ANKS1B: variants seen among roughly 807,000 people sequenced by gnomAD.
The protein encoded by ANKS1B is ankyrin repeat and sterile alpha motif domain-containing protein 1B.
In ANKS1B, 36 loss-of-function variants were observed where a neutral mutation model predicts 148.3. That is an observed-to-expected ratio of 0.24 (90% confidence interval 0.19 to 0.32). ANKS1B has a LOEUF of 0.32. Ranked by LOEUF, ANKS1B falls within the 10% of genes least tolerant of loss-of-function variation. The probability of loss-of-function intolerance (pLI) is 1.00; values close to 1 mark genes in which losing one functional copy is unlikely to be tolerated. For synonymous variants in ANKS1B, 542 were observed against 560.8 expected, an observed-to-expected ratio of 0.97 and a Z score of 0.47; for missense variants, 1,157 against 1,542.6, an observed-to-expected ratio of 0.75 and a Z score of 4.19.
chr12:99,769,191 C>A (rs1161979212), intron 8 of ANKS1B, among the ~76,000 whole-genome samples: 1 of 152,066 alleles, frequency 6.6e-6, no homozygotes, highest in Non-Finnish European at 1.5e-5. Flanking sequence ...TTCAAGACCT[C>A]AGTTCTGACT....
chr12:99,815,128 T>G (rs2068934812), intron 2 of ANKS1B, among the ~76,000 whole-genome samples: 1 of 151,804 alleles, frequency 6.6e-6, no homozygotes, highest in Non-Finnish European at 1.5e-5. Flanking sequence ...GATGGGATCA[T>G]CAATTCTATT....
At chr12:98,772,419 C>G (rs563189966) in intron 25 of ANKS1B, among the ~76,000 whole-genome samples, 3 of 152,106 alleles carry the variant, frequency 2.0e-5, no homozygotes, top group African/African-American at 7.2e-5. Flanking sequence ...CTAATAAAGA[C>G]GTACCCAAGA....
intron 16 of ANKS1B, among the ~76,000 whole-genome samples, chr12:99,067,927 G>C (rs1194999650): frequency 6.6e-6 from 1 of 151,750 alleles, no homozygotes; most frequent in Non-Finnish European, 1.5e-5. Context: ...TGTCAGTCTA[G>C]AATTTCTAAT....
intron 1 of ANKS1B, among the ~76,000 whole-genome samples, chr12:99,826,123 G>A: frequency 6.6e-6 from 1 of 152,144 alleles, no homozygotes; most frequent in East Asian, 1.9e-4. Flanking sequence ...TGCTTTATCT[G>A]ATGGTCATAG....
rs1044168811 is a variant in ANKS1B, at chr12:99,984,876, G to A, written c.-639C>T. Among the ~76,000 whole-genome samples, 1 of 147,916 alleles carries A rather than the reference G, an allele frequency of 6.8e-6. No homozygotes were observed. Among genetic ancestry groups the A allele is most frequent in the Non-Finnish European group, 1.5e-5 (1 of 66,518 alleles). On this transcript the variant is annotated 5_prime_UTR_variant, in exon 1 of 27. Coordinates refer to ENST00000683438, the MANE Select transcript of ANKS1B (RefSeq NM_001352186.2). ...GCGGCGGCGGCGAGGCCTGGCGCGC[G>A]GGGGGCGTGTGCGCGCGGGCAGGTG...
chr12:99,506,446 A>AT lies in ANKS1B; in HGVS notation c.1273-1806dup, dbSNP rs2096712846. 1.3e-5 allele frequency among the ~76,000 whole-genome samples: 2 copies of AT among 152,016 alleles called. 1 individual carries two copies. Among genetic ancestry groups the AT allele is most frequent in the South Asian group, 4.1e-4 (2 of 4,830 alleles). ...GAAAGCAGGAAATTGGGAGTAATTT[A>AT]TTTTTAACAACAAAGGGTGACAAAG... On this transcript the variant is annotated intron_variant, in intron 9 of 26. Coordinates refer to ENST00000683438, the MANE Select transcript of ANKS1B (RefSeq NM_001352186.2).
chr12:99,479,895 T>C (rs1437530665), intron 10 of ANKS1B, among the ~76,000 whole-genome samples: 1 of 151,932 alleles, frequency 6.6e-6, no homozygotes, highest in Non-Finnish European at 1.5e-5. Flanking sequence ...TTTTAAATGT[T>C]CTCACTACAA....
At chr12:99,106,554 G>C (rs150246206) in intron 15 of ANKS1B, among the ~76,000 whole-genome samples, 158 of 152,326 alleles carry the variant, frequency 1.0e-3, no homozygotes, top group Middle Eastern at 0.01. Context: ...TTTTAAAGTT[G>C]TCGGTTTCTA....
At chr12:99,678,812 T>C (rs899548410) in intron 8 of ANKS1B, among the ~76,000 whole-genome samples, 1 of 152,136 alleles carries the variant, frequency 6.6e-6, no homozygotes, top group Non-Finnish European at 1.5e-5. Flanking sequence ...TGAATGCCCA[T>C]TAATATGAAC....
At chr12:99,387,514 G>T (rs2093913590) in intron 12 of ANKS1B, among the ~76,000 whole-genome samples, 2 of 152,100 alleles carry the variant, frequency 1.3e-5, no homozygotes, top group Admixed American at 1.3e-4. Context: ...TACTCGGGAG[G>T]CTGAGGCAGG....
In ANKS1B at chr12:99,287,090, T is replaced by C. The variant is rs144808356; in HGVS notation, c.1757-40226A>G. Reference sequence around the variant, plus strand: ...GCCAGGCAGTGGACACCTCAGGACATTGACAAGACCCAGTGTTATGCTGGC... The same window carrying C: ...GCCAGGCAGTGGACACCTCAGGACACTGACAAGACCCAGTGTTATGCTGGC... On this transcript the variant is annotated intron_variant, in intron 12 of 26. Coordinates refer to ENST00000683438, the MANE Select transcript of ANKS1B (RefSeq NM_001352186.2). Among the ~76,000 whole-genome samples the C allele has an allele frequency of 2.2e-3, 332 of 150,176 alleles. 1 individual carries two copies. Among genetic ancestry groups the C allele is most frequent in the African/African-American group, 8.0e-3 (315 of 39,620 alleles).
At chr12:99,267,781 TGGAGGACAGGTA>T (rs1261310783) in intron 12 of ANKS1B, among the ~76,000 whole-genome samples, 1 of 152,136 alleles carries the variant, frequency 6.6e-6, no homozygotes, top group Admixed American at 6.6e-5. Context: ...GATGGAGCCT[TGGAGGACAGGTA>T]GGACTTAGAT....
At chr12:99,724,174 T>C (rs1007828471) in intron 8 of ANKS1B, among the ~76,000 whole-genome samples, 3 of 152,016 alleles carry the variant, frequency 2.0e-5, no homozygotes, top group African/African-American at 4.8e-5. Context: ...TTGACAGAAG[T>C]AGGCTTCAGA....
At chr12:99,374,131 A>G (rs1339207850) in intron 12 of ANKS1B, among the ~76,000 whole-genome samples, 1 of 152,222 alleles carries the variant, frequency 6.6e-6, no homozygotes, top group African/African-American at 2.4e-5. Flanking sequence ...TGGAATAACT[A>G]GAATTTGACA....
intron 8 of ANKS1B, among the ~76,000 whole-genome samples, chr12:99,664,044 T>C (rs1187850720): frequency 6.6e-6 from 1 of 152,118 alleles, no homozygotes; most frequent in Non-Finnish European, 1.5e-5. Context: ...TAATACTGTT[T>C]ATTATTTCAA....
At chr12:99,245,747 A>AT (rs2153969120) in intron 13 of ANKS1B, among the ~76,000 whole-genome samples, 1 of 152,198 alleles carries the variant, frequency 6.6e-6, no homozygotes, top group Non-Finnish European at 1.5e-5. Context: ...AACCTCAAAC[A>AT]TTTTTTTCTT....
chr12:99,660,013 T>C (rs1423724675), intron 8 of ANKS1B, among the ~76,000 whole-genome samples: 3 of 152,216 alleles, frequency 2.0e-5, no homozygotes, highest in Non-Finnish European at 4.4e-5. Flanking sequence ...ATATCAGAGA[T>C]GGCAATCAAA....
At chr12:99,769,692 T>G (rs778098988) in intron 8 of ANKS1B, among the ~76,000 whole-genome samples, 3 of 152,210 alleles carry the variant, frequency 2.0e-5, no homozygotes, top group Non-Finnish European at 4.4e-5. Context: ...GCTCCCTGTA[T>G]GGAGAAATAA....
At chr12:99,060,616 TTATA>T (rs371433842) in intron 16 of ANKS1B, among the ~76,000 whole-genome samples, 33 of 144,118 alleles carry the variant, frequency 2.3e-4, no homozygotes, top group South Asian at 1.1e-3. Flanking sequence ...ATATATGTGG[TTATA>T]TATATATATA....
Sources: gnomAD v4.1 joint callset for allele counts (sites outside exome capture counted in the v4.1 genomes callset) on GRCh38, gnomAD v4.1.1 for gene constraint, MANE v1.5 for transcripts, NCBI Gene and HGNC (gene_info 2026-07-23, HGNC 2026-07-21) for gene names.